Variants in VASH2 observed in about 807,000 individuals in gnomAD.
VASH2 encodes vasohibin 2, also known as tubulinyl-Tyr carboxypeptidase 2.
VASH2 carries 28 observed loss-of-function variants against 37.2 expected under a neutral mutation model. The ratio of observed to expected loss-of-function variants is 0.75; its 90% CI spans 0.56 to 1.03. The LOEUF is 1.03. Ranked by LOEUF, VASH2 falls within the 50% of genes least tolerant of loss-of-function variation. The pLI, the probability that VASH2 is intolerant of heterozygous loss-of-function variation, is 0.00. For synonymous variants in VASH2, 188 were observed against 174.7 expected (o/e 1.08, Z -0.60); for missense variants, 419 against 459.1 (o/e 0.91, Z 0.80).
In VASH2 at chr1:212,989,070, CGTTTT is replaced by C. The variant is rs2075828404; in HGVS notation, c.*492_*496del. The C allele has an allele frequency of 6.3e-6, 1 of 158,106 alleles. No individual in the cohort carries two copies. Among genetic ancestry groups the C allele is most frequent in the African/African-American group, 2.4e-5 (1 of 41,500 alleles). The allele number at this position is 158,106 out of a possible 1,614,324, so 9.8% of individuals were successfully genotyped here. A position where few individuals can be genotyped will look rare whatever the true frequency, so the allele number is the denominator to read the frequency against. On this transcript the variant is annotated 3_prime_UTR_variant, in exon 8 of 8. Transcript: ENST00000517399. ...GACATCAGATATGCAAACTTAATGG[CGTTTT>C]GTTTTTTTATATTCTATTTGTATTC...
chr1:212,959,995 A>T (rs770412868), intron 2 of VASH2, among the ~76,000 whole-genome samples: 10 of 152,058 alleles, frequency 6.6e-5, no homozygotes, highest in African/African-American at 9.7e-5. Flanking sequence ...GTCACCAAGG[A>T]CCCCAGGGAG....
At chr1:212,965,809 AC>A in intron 4 of VASH2, 31 bp downstream of exon 4, 3 of 1,541,508 alleles carry the variant, frequency 1.9e-6, no homozygotes, top group Non-Finnish European at 2.6e-6. Flanking sequence ...GGGCCAGATG[AC>A]CTCTCTCCTA....
intron 2 of VASH2, among the ~76,000 whole-genome samples, chr1:212,959,660 G>A (rs993275913): frequency 6.6e-6 from 1 of 152,220 alleles, no homozygotes; most frequent in East Asian, 1.9e-4. Context: ...ATGCCCAGGC[G>A]GGGGGCAGCG....
chr1:212,970,992 C>T (rs373024020), intron 5 of VASH2, among the ~76,000 whole-genome samples: 5 of 152,248 alleles, frequency 3.3e-5, no homozygotes, highest in South Asian at 2.1e-4. Flanking sequence ...TGCCCACCAC[C>T]GTTCTACTCT....
In VASH2 at chr1:212,990,628, G is replaced by A. The variant is rs1029294652; in HGVS notation, c.*2044G>A. On this transcript the variant is annotated 3_prime_UTR_variant, in exon 8 of 8. Coordinates refer to ENST00000517399, the MANE Select transcript of VASH2 (RefSeq NM_001301056.2). ...TGCATAGCTTGTTTCCCACAACAAG[G>A]AGGAAAAGAACAGGAATACAAACTC... 4 of 152,148 alleles carry A rather than the reference G, an allele frequency of 2.6e-5. No homozygotes were observed. Among genetic ancestry groups the A allele is most frequent in the Admixed American group, 1.3e-4 (2 of 15,274 alleles). 9.4% of individuals were successfully genotyped at this position (152,148 alleles called of 1,614,324 possible).
chr1:212,950,704 GGA>G lies in VASH2; in HGVS notation c.-237_-236del, dbSNP rs1666275687. 6.4e-6 allele frequency: 1 copy of G among 155,486 alleles called. No individual in the cohort carries two copies. Among genetic ancestry groups the G allele is most frequent in the Non-Finnish European group, 1.4e-5 (1 of 69,976 alleles). 9.6% of individuals were successfully genotyped at this position (155,486 alleles called of 1,614,324 possible). ...AGCAGCCCCTGCTCTCCCGCCGCCC[GGA>G]GAGGCTCTGCAGCCATGAAGCCAAC... On this transcript the variant is annotated 5_prime_UTR_variant, in exon 1 of 8. The change abolishes the stop of an existing upstream ORF in the 5' untranslated region. Transcript: ENST00000517399. The surrounding 1 kb of genome is among the most constrained non-coding windows in gnomAD (Gnocchi z 5.5).
Position 212,972,871 on chromosome 1 carries a change from G to T in VASH2, c.789G>T (p.Glu263Asp). Residue 263 changes from glutamate to aspartate, a missense_variant, in exon 6 of 8, where the codon GAG becomes GAT. By Grantham distance (45) the Glu-to-Asp change is conservative. Transcript: ENST00000517399. ...AGCCTCATAGCTTCCAGCCCATTGA[G>T]TGGAAGCAGCTGGTCCTCAACGTCT... ...PHEPHSFQPI[E>D]WKQLVLNVSK... 6.2e-7 allele frequency: 1 copy of T among 1,614,174 alleles called. No individual in the cohort carries two copies. The highest frequency in any genetic ancestry group is 8.5e-7 in the Non-Finnish European group (1 of 1,180,040).
chr1:212,975,199 A>G (rs1165971562), intron 7 of VASH2, among the ~76,000 whole-genome samples: 1 of 152,230 alleles, frequency 6.6e-6, no homozygotes, highest in East Asian at 1.9e-4. Flanking sequence ...GGCAGGGCAG[A>G]GTCGGGGAAG....
chr1:212,959,819 C>T (rs1666616255), intron 2 of VASH2, among the ~76,000 whole-genome samples: 1 of 152,238 alleles, frequency 6.6e-6, no homozygotes, highest in Non-Finnish European at 1.5e-5. Context: ...ATCAGCGGAG[C>T]ACCAGATCCC....
Position 212,966,298 on chromosome 1 carries a change from C to G in VASH2, c.450C>G (p.Thr150=). The G allele has an allele frequency of 1.3e-6, 2 of 1,551,648 alleles. No homozygotes were observed. The highest frequency in any genetic ancestry group is 3.3e-4 in the Middle Eastern group (2 of 5,992). Residue 150 remains threonine (T), a synonymous_variant, in exon 5 of 8, where the codon ACC becomes ACG. Transcript: ENST00000517399. Reference sequence around the variant, plus strand: ...TAATGGAAACAGCAAAAGAAATGACCCGAGAGTCCTTGCCTATCAAATGCC... The same window carrying G: ...TAATGGAAACAGCAAAAGAAATGACGCGAGAGTCCTTGCCTATCAAATGCC... ...SGLMETAKEM[T]RESLPIKCLE... is the part of the protein sequence containing the mutation.
intron 7 of VASH2, among the ~76,000 whole-genome samples, chr1:212,977,307 A>G (rs946492065): frequency 6.6e-6 from 1 of 152,168 alleles, no homozygotes; most frequent in Non-Finnish European, 1.5e-5. Context: ...TCACCTGTGT[A>G]AGGGGACGGG....
intron 7 of VASH2, chr1:212,974,673 G>A (rs1667118300): frequency 6.6e-6 from 1 of 152,198 alleles, no homozygotes; most frequent in African/African-American, 2.4e-5. Flanking sequence ...GGAGATGCTG[G>A]GGATGCCCAA....
rs2075846691 is a variant in VASH2, at chr1:212,990,385, T to A, written c.*1801T>A. The stretch of plus-strand genomic sequence containing the variant: ...ACACACAGCAAACCCATTCGCAGCC[T>A]CTTGGCCACATGTATTCAGATGTTT... On this transcript the variant is annotated 3_prime_UTR_variant, in exon 8 of 8. Coordinates refer to ENST00000517399, the MANE Select transcript of VASH2 (RefSeq NM_001301056.2). 6.6e-6 allele frequency: 1 copy of A among 152,216 alleles called. No individual in the cohort carries two copies. 9.4% of individuals were successfully genotyped at this position (152,216 alleles called of 1,614,324 possible). A position where few individuals can be genotyped will look rare whatever the true frequency, so the allele number is the denominator to read the frequency against.
At chr1:212,983,244 C>T (rs1667386152) in intron 7 of VASH2, among the ~76,000 whole-genome samples, 1 of 152,122 alleles carries the variant, frequency 6.6e-6, no homozygotes, top group Admixed American at 6.5e-5. Flanking sequence ...TGTCTTAGTC[C>T]ATTTTGTGTC....
intron 7 of VASH2, among the ~76,000 whole-genome samples, chr1:212,980,532 T>G (rs914073469): frequency 1.3e-5 from 2 of 152,012 alleles, no homozygotes; most frequent in African/African-American, 4.8e-5. Flanking sequence ...ACCCTGGGGG[T>G]CCCAGAGGTT....
intron 7 of VASH2, among the ~76,000 whole-genome samples, chr1:212,981,749 G>A (rs1303669783): frequency 6.6e-6 from 1 of 152,200 alleles, no homozygotes; most frequent in African/African-American, 2.4e-5. Context: ...AGTCAGAGGT[G>A]CGGAAGAGAG....
At chr1:212,963,153 A>G (rs1482741850) in intron 3 of VASH2, among the ~76,000 whole-genome samples, 1 of 152,116 alleles carries the variant, frequency 6.6e-6, no homozygotes, top group African/African-American at 2.4e-5. Context: ...ACTGCTGTAA[A>G]CCTGACAGCA....
At chr1:212,961,317 T>C (rs1666670653) in intron 3 of VASH2, 63 bp downstream of exon 3, 11 of 1,611,164 alleles carry the variant, frequency 6.8e-6, no homozygotes, top group Non-Finnish European at 9.3e-6. Flanking sequence ...ATCGCAAGCC[T>C]GGTGGCAAAT....
intron 5 of VASH2, chr1:212,967,924 A>G (rs1666896554): frequency 6.5e-6 from 1 of 152,816 alleles, no homozygotes; most frequent in Non-Finnish European, 1.5e-5. Context: ...GACCTGAACT[A>G]AGACAGTGCC....
Sources: allele counts gnomAD v4.1 joint callset (sites outside exome capture counted in the v4.1 genomes callset), GRCh38; gene constraint gnomAD v4.1.1; non-coding constraint Gnocchi (gnomAD v3.1); transcripts MANE v1.5; gene names NCBI Gene and HGNC (gene_info 2026-07-23, HGNC 2026-07-21).